IHO1: variants seen among roughly 807,000 people sequenced by gnomAD.
IHO1 encodes the protein interactor of HORMAD1 protein 1.
In IHO1, 13 loss-of-function variants were observed where a neutral mutation model predicts 31.0. That is an observed-to-expected ratio of 0.42 (90% CI 0.27 to 0.67). The LOEUF (loss-of-function observed/expected upper bound fraction) is 0.67. Among genes scored for constraint, IHO1 ranks in the 30% least tolerant of loss-of-function variants. The pLI, the probability that IHO1 is intolerant of heterozygous loss-of-function variation, is 0.24. For missense variants in IHO1, 599 were observed against 687.5 expected, an observed-to-expected ratio of 0.87 and a Z score of 1.44; for synonymous variants, 221 against 248.4, an observed-to-expected ratio of 0.89 and a Z score of 1.04.
chr3:49,251,208 C>T, intron 6 of IHO1, among the ~76,000 whole-genome samples: 1 of 151,378 alleles, frequency 6.6e-6, no homozygotes, highest in Non-Finnish European at 1.5e-5. Context: ...GCAACCTCCC[C>T]TTCCTAGGTT....
chr3:49,235,929 CAAAA>C (rs35209519), intron 2 of IHO1, among the ~76,000 whole-genome samples: 2 of 114,224 alleles, frequency 1.8e-5, no homozygotes. Flanking sequence ...GACTCTGTCT[CAAAA>C]AAAAAAAAAA....
At chr3:49,244,193 T>A (rs967735504) in intron 4 of IHO1, among the ~76,000 whole-genome samples, 2 of 152,082 alleles carry the variant, frequency 1.3e-5, no homozygotes, top group African/African-American at 4.8e-5. Flanking sequence ...GACCTTGTGA[T>A]CCACCTGCCT....
At position 49,200,565 on chromosome 3, in the gene IHO1, G is replaced by A; in HGVS notation, c.-16+992G>A. On this transcript the variant is annotated intron_variant, in intron 1 of 7. Coordinates refer to ENST00000452691, the MANE Select transcript of IHO1 (RefSeq NM_001135197.2). ...GAGTTGACGACGGTGGTCAGATGAG[G>A]TAGTCCATGCCAATCGGGGCGGTCC... The A allele has an allele frequency of 2.0e-6, 2 of 978,146 alleles. 1 individual carries two copies. Among genetic ancestry groups the A allele is most frequent in the Admixed American group, 1.3e-4 (2 of 15,994 alleles). 60.6% of individuals were successfully genotyped at this position (978,146 alleles called of 1,614,324 possible). A position where few individuals can be genotyped will look rare whatever the true frequency, so the allele number is the denominator to read the frequency against.
At chr3:49,214,571 A>ATAGGGAGTAG (rs1395965556) in intron 2 of IHO1, among the ~76,000 whole-genome samples, 1 of 126,196 alleles carries the variant, frequency 7.9e-6, no homozygotes, top group Non-Finnish European at 1.6e-5. Flanking sequence ...CTTACAGTTG[A>ATAGGGAGTAG]TAGGGAGTAG....
intron 6 of IHO1, chr3:49,252,133 CA>C (rs1318303048): frequency 1.3e-5 from 2 of 153,554 alleles, no homozygotes; most frequent in East Asian, 3.9e-4. Context: ...GCCCTGCCAC[CA>C]AATTCATCTT....
the IHO1 span, chr3:49,191,852 T>C: frequency 1.4e-6 from 2 of 1,416,396 alleles, no homozygotes; most frequent in East Asian, 5.0e-5. Context: ...TCTCTGGAGG[T>C]CAATTTTTTG....
intron 2 of IHO1, among the ~76,000 whole-genome samples, chr3:49,234,990 G>T (rs530793179): frequency 1.3e-5 from 2 of 151,708 alleles, no homozygotes; most frequent in Non-Finnish European, 2.9e-5. Context: ...GGGATTACAG[G>T]TGTCTGCCAC....
At chr3:49,213,880 G>C (rs1381545528) in intron 2 of IHO1, 1 of 276,996 alleles carries the variant, frequency 3.6e-6, no homozygotes, top group East Asian at 1.1e-4. Context: ...CCCAGAGAGG[G>C]GCTCCCATAG....
intron 2 of IHO1, among the ~76,000 whole-genome samples, chr3:49,218,498 C>T (rs1244147013): frequency 2.7e-5 from 4 of 149,116 alleles, no homozygotes; most frequent in African/African-American, 4.9e-5. Flanking sequence ...TCTCTTGCCT[C>T]AGACTCCCAA....
At chr3:49,254,383 A>G (rs566993197) in intron 6 of IHO1, among the ~76,000 whole-genome samples, 27 of 152,218 alleles carry the variant, frequency 1.8e-4, no homozygotes, top group African/African-American at 6.0e-4. Flanking sequence ...CCCCAAGTCT[A>G]TTTGGGTCCA....
chr3:49,234,165 T>G (rs9835543), intron 2 of IHO1, among the ~76,000 whole-genome samples: 184 of 143,714 alleles, frequency 1.3e-3, no homozygotes, highest in Non-Finnish European at 2.0e-3. Flanking sequence ...TGTTGTTGTT[T>G]TTTTTTTTTT....
At chr3:49,241,591 G>A (rs1386606154) in intron 4 of IHO1, among the ~76,000 whole-genome samples, 1 of 150,878 alleles carries the variant, frequency 6.6e-6, no homozygotes, top group Non-Finnish European at 1.5e-5. Flanking sequence ...AGAGAAAGAG[G>A]GAGAAAGAGA....
intron 2 of IHO1, among the ~76,000 whole-genome samples, chr3:49,218,025 A>G (rs1026094658): frequency 1.3e-5 from 2 of 152,148 alleles, no homozygotes; most frequent in African/African-American, 4.8e-5. Flanking sequence ...ATATGGTTTT[A>G]TTCTGCAGCT....
chr3:49,220,188 A>G (rs993398424), intron 2 of IHO1, among the ~76,000 whole-genome samples: 18 of 152,218 alleles, frequency 1.2e-4, no homozygotes, highest in Non-Finnish European at 2.9e-5. Context: ...GGGAAATATT[A>G]TAGCTACATT....
At chr3:49,209,407 G>T (rs527709870) in intron 1 of IHO1, among the ~76,000 whole-genome samples, 42 of 152,194 alleles carry the variant, frequency 2.8e-4, no homozygotes, top group Admixed American at 4.6e-4. Flanking sequence ...GGCCAAGGCA[G>T]GTGGATCACT....
intron 1 of IHO1, among the ~76,000 whole-genome samples, chr3:49,208,652 T>G (rs1414267941): frequency 6.6e-6 from 1 of 152,224 alleles, no homozygotes; most frequent in Non-Finnish European, 1.5e-5. Context: ...GAAATCACCC[T>G]TAGCCATATT....
intron 1 of IHO1, chr3:49,200,521 A>AGAG (rs2046055273): frequency 1.0e-6 from 1 of 961,920 alleles, no homozygotes; most frequent in Non-Finnish European, 1.2e-6. Context: ...GAAAGAAAAG[A>AGAG]AAAAAGATTG....
chr3:49,212,263 T>C (rs1209267022), intron 2 of IHO1, among the ~76,000 whole-genome samples: 1 of 151,868 alleles, frequency 6.6e-6, no homozygotes, highest in Non-Finnish European at 1.5e-5. Context: ...TCCCAGCACT[T>C]TGAGAGGCCC....
upstream of IHO1, among the ~76,000 whole-genome samples, chr3:49,194,292 G>GTATATA (rs141683116): frequency 7.9e-3 from 954 of 120,128 alleles, 9 homozygotes; most frequent in African/African-American, 0.028. Context: ...AGTACAAAGT[G>GTATATA]TATATATATA....
Sources: gnomAD v4.1 joint callset for allele counts (sites outside exome capture counted in the v4.1 genomes callset) on GRCh38, gnomAD v4.1.1 for gene constraint, MANE v1.5 for transcripts, NCBI Gene and HGNC (gene_info 2026-07-23, HGNC 2026-07-21) for gene names.